CYLC1: variants seen among roughly 807,000 people sequenced by gnomAD.
CYLC1 encodes cylicin 1, also known as cylicin-1.
A neutral mutation model predicts 31.6 loss-of-function variants in CYLC1; 2 were observed. The observed-to-expected ratio is 0.06, with a 90% CI of 0.03 to 0.20. CYLC1 has a LOEUF of 0.20. Among genes scored for constraint, CYLC1 ranks in the 10% least tolerant of loss-of-function variants. CYLC1 has a pLI of 1.00. For synonymous variants in CYLC1, 185 were observed against 153.0 expected, an observed-to-expected ratio of 1.21 and a Z score of -1.54; for missense variants, 595 against 424.1, an observed-to-expected ratio of 1.40 and a Z score of -3.54.
At chrX:83,863,667 A>G (rs2031548373) in intron 1 of CYLC1, among the ~76,000 whole-genome samples, 2 of 111,832 alleles carry the variant, frequency 1.8e-5, no homozygotes, top group South Asian at 7.5e-4. Flanking sequence ...CAAGTGGGCC[A>G]TTAATGCTAC....
At chrX:83,862,412 A>C (rs989035399) in intron 1 of CYLC1, among the ~76,000 whole-genome samples, 3 of 107,738 alleles carry the variant, frequency 2.8e-5, no homozygotes, top group South Asian at 4.1e-4. Flanking sequence ...GCGTGGTGGC[A>C]GGCGCCTGTA....
At position 83,869,890 on chromosome X, in the gene CYLC1, G is replaced by A. The variant is rs1292299669; in HGVS notation, c.43G>A (p.Asp15Asn). 1 of 831,806 alleles carries A rather than the reference G, an allele frequency of 1.2e-6. No individual in the cohort carries two copies. The highest frequency in any genetic ancestry group is 1.6e-6 in the Non-Finnish European group (1 of 633,497). The allele number at this position is 831,806 out of a possible 1,213,427, so 68.6% of individuals were successfully genotyped here. Residue 15 changes from aspartate (D) to asparagine (N), a missense_variant, in exon 2 of 5, where the codon GAT becomes AAT. Asp to Asn is a conservative substitution (Grantham distance 23). Coordinates refer to ENST00000329312, the MANE Select transcript of CYLC1 (RefSeq NM_021118.3). ...RLLKVNIRTY[D>N]NSIPISESSR... The stretch of plus-strand genomic sequence containing the variant: ...GCTAAAAGTAAACATCAGAACATAT[G>A]ATAATTCCATTCCAAGTAAGAATTT...
chrX:83,866,750 G>A lies in CYLC1; in HGVS notation c.18-3115G>A, dbSNP rs1484458760. On this transcript the variant is annotated intron_variant, in intron 1 of 4. Transcript: ENST00000329312. Reference sequence around the variant, plus strand: ...TCACATGCTTTATCTTCCAACACTAGCAAAATATTGTCCAGCCCCACTCAG... The same window carrying A: ...TCACATGCTTTATCTTCCAACACTAACAAAATATTGTCCAGCCCCACTCAG... 5.5e-5 allele frequency among the ~76,000 whole-genome samples: 5 copies of A among 91,434 alleles called. No homozygotes were observed. In the Admixed American group the frequency reaches 5.7e-4, roughly 10 times the overall value. 79.4% of individuals were successfully genotyped at this position (91,434 alleles called of 115,157 possible).
chrX:83,871,587 T>A lies in CYLC1; in HGVS notation c.177+17T>A. On this transcript the variant is annotated intron_variant, in intron 3 of 4. Transcript: ENST00000329312. ...ACAGTTACTGTAAGTATAGAAAAAG[T>A]CATTTTTAAAAACGAAATCTAAGTT... 8.5e-7 allele frequency: 1 copy of A among 1,170,570 alleles called. No individual in the cohort carries two copies. Among genetic ancestry groups the A allele is most frequent in the Non-Finnish European group, 1.1e-6 (1 of 874,489 alleles).
chrX:83,861,658 A>T (rs2031510275), intron 1 of CYLC1, among the ~76,000 whole-genome samples: 1 of 112,088 alleles, frequency 8.9e-6, no homozygotes, highest in South Asian at 3.7e-4. Context: ...TTTATTTTTT[A>T]AAGACTTCAT....
intron 4 of CYLC1, among the ~76,000 whole-genome samples, chrX:83,876,133 A>AT (rs1327084698): frequency 4.0e-4 from 44 of 110,500 alleles, no homozygotes; most frequent in Non-Finnish European, 1.5e-4. Flanking sequence ...TTTACTTCTC[A>AT]TATATTAATA....
At chrX:83,865,310 G>A (rs747083147) in intron 1 of CYLC1, among the ~76,000 whole-genome samples, 14 of 110,566 alleles carry the variant, frequency 1.3e-4, no homozygotes, top group Non-Finnish European at 2.5e-4. Context: ...CATCATCCTC[G>A]ATTGCCCTCT....
intron 4 of CYLC1, among the ~76,000 whole-genome samples, chrX:83,875,360 G>T (rs1323953541): frequency 9.0e-6 from 1 of 111,101 alleles, no homozygotes; most frequent in South Asian, 3.7e-4. Flanking sequence ...TATTACATTA[G>T]ACAGAGGAGT....
At chrX:83,864,379 CA>C (rs1044547750) in intron 1 of CYLC1, among the ~76,000 whole-genome samples, 17 of 110,380 alleles carry the variant, frequency 1.5e-4, no homozygotes, top group South Asian at 7.7e-4. Context: ...CATCAGTGTT[CA>C]AAAAAAGTAG....
intron 1 of CYLC1, among the ~76,000 whole-genome samples, chrX:83,865,440 A>T (rs1048943263): frequency 9.0e-6 from 1 of 111,718 alleles, no homozygotes; most frequent in African/African-American, 3.3e-5. Flanking sequence ...TTGATCTCTT[A>T]TTTAGATTAT....
chrX:83,884,152 T>C (rs1022231817), intron 4 of CYLC1, among the ~76,000 whole-genome samples: 3 of 111,627 alleles, frequency 2.7e-5, no homozygotes, highest in Non-Finnish European at 5.7e-5. Context: ...GCAAGTGGCA[T>C]GATAAGCATG....
intron 4 of CYLC1, 146 bp from the exon 5 acceptor site, chrX:83,886,406 T>C (rs940853172): frequency 1.5e-5 from 8 of 520,556 alleles, no homozygotes; most frequent in African/African-American, 4.8e-5. Flanking sequence ...GCGTTTTTAA[T>C]AAGAAATAAT....
chrX:83,879,091 G>A (rs1014109782), intron 4 of CYLC1, among the ~76,000 whole-genome samples: 2 of 110,418 alleles, frequency 1.8e-5, no homozygotes, highest in Non-Finnish European at 3.8e-5. Flanking sequence ...TATTCCAGAT[G>A]CTAAGGTAGA....
chrX:83,880,905 A>C (rs1485270600), intron 4 of CYLC1, among the ~76,000 whole-genome samples: 1 of 111,772 alleles, frequency 8.9e-6, no homozygotes, highest in Non-Finnish European at 1.9e-5. Context: ...CTCCTCAATA[A>C]AATTAATTAA....
At chrX:83,879,574 C>T (rs890028134) in intron 4 of CYLC1, among the ~76,000 whole-genome samples, 1 of 111,318 alleles carries the variant, frequency 9.0e-6, no homozygotes, top group Non-Finnish European at 1.9e-5. Flanking sequence ...ATTTGTTTTC[C>T]TTCCATCTTT....
intron 4 of CYLC1, among the ~76,000 whole-genome samples, chrX:83,884,069 G>A (rs1054173819): frequency 9.0e-6 from 1 of 111,313 alleles, no homozygotes; most frequent in Admixed American, 9.6e-5. Context: ...ATGCCTAAGG[G>A]TGAAACTAAC....
intron 1 of CYLC1, 100 bp from the exon 2 acceptor site, chrX:83,869,765 T>C (rs1444697716): frequency 5.1e-6 from 2 of 394,829 alleles, no homozygotes; most frequent in Middle Eastern, 1.1e-3. Context: ...CATTGGGCTT[T>C]GTTTTTTTAG....
intron 1 of CYLC1, among the ~76,000 whole-genome samples, chrX:83,865,742 C>A (rs1425574741): frequency 9.0e-6 from 1 of 111,117 alleles, no homozygotes; most frequent in African/African-American, 3.3e-5. Context: ...TATTGCATTT[C>A]TTCTGTAATC....
intron 4 of CYLC1, among the ~76,000 whole-genome samples, chrX:83,881,811 C>T (rs911084308): frequency 6.5e-5 from 7 of 107,233 alleles, no homozygotes; most frequent in African/African-American, 2.0e-4. Flanking sequence ...ATTCTCCTGC[C>T]TCAGCCTCCC....
Sources: allele counts gnomAD v4.1 joint callset (sites outside exome capture counted in the v4.1 genomes callset), GRCh38; gene constraint gnomAD v4.1.1; transcripts MANE v1.5; gene names NCBI Gene and HGNC (gene_info 2026-07-23, HGNC 2026-07-21).